CDH13: variants seen among roughly 807,000 people sequenced by gnomAD.
CDH13 encodes cadherin-13.
A neutral mutation model predicts 63.8 loss-of-function variants in CDH13; 24 were observed. The observed-to-expected ratio is 0.38, with a 90% CI of 0.27 to 0.53. The LOEUF is 0.53. Among genes scored for constraint, CDH13 ranks in the 20% least tolerant of loss-of-function variants. The pLI is 0.85. For synonymous variants in CDH13, 503 were observed against 355.3 expected, an observed-to-expected ratio of 1.42 and a Z score of -4.67; for missense variants, 1,049 against 903.1, an observed-to-expected ratio of 1.16 and a Z score of -2.07.
chr16:83,207,032 A>G (rs908878430), intron 4 of CDH13, among the ~76,000 whole-genome samples: 4 of 152,244 alleles, frequency 2.6e-5, no homozygotes, highest in African/African-American at 9.6e-5. Context: ...GAGGATCTGA[A>G]TAGTTTAATC....
chr16:83,520,992 T>A (rs1362818451), intron 7 of CDH13, among the ~76,000 whole-genome samples: 1 of 152,194 alleles, frequency 6.6e-6, no homozygotes, highest in African/African-American at 2.4e-5. Context: ...AACTTCAATT[T>A]TTTAAATTTC....
intron 10 of CDH13, among the ~76,000 whole-genome samples, chr16:83,697,422 G>A (rs1424002844): frequency 6.6e-6 from 1 of 152,224 alleles, no homozygotes; most frequent in Non-Finnish European, 1.5e-5. Context: ...GCGTCTCTGG[G>A]CACAGAAGGC....
chr16:83,005,382 T>G (rs2151428457), intron 2 of CDH13, among the ~76,000 whole-genome samples: 1 of 152,228 alleles, frequency 6.6e-6, no homozygotes, highest in East Asian at 1.9e-4. Context: ...GTTCCTTACC[T>G]CCTGTAACCT....
chr16:83,701,386 A>G (rs1233674620), intron 10 of CDH13, among the ~76,000 whole-genome samples: 1 of 152,082 alleles, frequency 6.6e-6, no homozygotes. Flanking sequence ...TTCCTTCATC[A>G]TTTCATTCGG....
intron 8 of CDH13, 35 bp downstream of exon 8, chr16:83,602,629 G>T (rs1228359051): frequency 6.2e-7 from 1 of 1,611,194 alleles, no homozygotes; most frequent in Admixed American, 1.7e-5. Flanking sequence ...CCACCACTGT[G>T]GTCACAGCTA....
intron 4 of CDH13, among the ~76,000 whole-genome samples, chr16:83,134,235 C>T (rs942213864): frequency 2.6e-5 from 4 of 152,128 alleles, no homozygotes; most frequent in Non-Finnish European, 4.4e-5. Flanking sequence ...CTCTGTCGCC[C>T]GGGCTGGAGT....
chr16:82,719,967 A>T (rs2032659043), intron 1 of CDH13, among the ~76,000 whole-genome samples: 1 of 151,972 alleles, frequency 6.6e-6, no homozygotes, highest in Non-Finnish European at 1.5e-5. Flanking sequence ...ATTTTACTGT[A>T]TGCTAAATGG....
intron 1 of CDH13, among the ~76,000 whole-genome samples, chr16:82,848,138 A>T (rs2039340981): frequency 6.6e-6 from 1 of 152,224 alleles, no homozygotes; most frequent in African/African-American, 2.4e-5. Context: ...GAGAAAGTTC[A>T]TTGACACTAG....
chr16:83,745,557 T>G (rs1912498592), intron 10 of CDH13, among the ~76,000 whole-genome samples: 1 of 152,196 alleles, frequency 6.6e-6, no homozygotes, highest in East Asian at 1.9e-4. Context: ...CTGTCTGTCC[T>G]GGGTCGCCAT....
chr16:82,770,839 C>T (rs537316679), intron 1 of CDH13, among the ~76,000 whole-genome samples: 1 of 152,240 alleles, frequency 6.6e-6, no homozygotes, highest in South Asian at 2.1e-4. Flanking sequence ...TCCCGAGTAG[C>T]TGGGACTAAA....
At chr16:83,104,729 T>G (rs976940555) in intron 3 of CDH13, among the ~76,000 whole-genome samples, 1 of 152,116 alleles carries the variant, frequency 6.6e-6, no homozygotes, top group African/African-American at 2.4e-5. Flanking sequence ...AAGAATTGGT[T>G]GAACAAAGGG....
intron 5 of CDH13, among the ~76,000 whole-genome samples, chr16:83,255,734 A>G (rs1272972824): frequency 6.6e-6 from 1 of 152,188 alleles, no homozygotes; most frequent in South Asian, 2.1e-4. Flanking sequence ...AAGTGGCACT[A>G]TGCTGTGGAT....
At chr16:82,736,344 A>G (rs1458947597) in intron 1 of CDH13, among the ~76,000 whole-genome samples, 1 of 152,184 alleles carries the variant, frequency 6.6e-6, no homozygotes, top group Non-Finnish European at 1.5e-5. Context: ...TTAAGGGAAG[A>G]AAAAAACAGA....
chr16:83,746,633 A>G (rs1912610775), intron 10 of CDH13, among the ~76,000 whole-genome samples: 1 of 152,138 alleles, frequency 6.6e-6, no homozygotes, highest in Non-Finnish European at 1.5e-5. Context: ...AAATCTGGCC[A>G]TACAAGGCAG....
chr16:83,374,721 G>A (rs190648337), intron 6 of CDH13, among the ~76,000 whole-genome samples: 117 of 152,292 alleles, frequency 7.7e-4, no homozygotes, highest in African/African-American at 2.4e-3. Flanking sequence ...GACTATCTCT[G>A]GATGTTTTCC....
intron 4 of CDH13, among the ~76,000 whole-genome samples, chr16:83,193,431 G>A (rs2038785491): frequency 1.3e-5 from 2 of 152,186 alleles, no homozygotes; most frequent in Admixed American, 1.3e-4. Context: ...CTCCTGGGGA[G>A]AAGACACACA....
At chr16:82,874,701 A>T (rs2040449894) in intron 2 of CDH13, among the ~76,000 whole-genome samples, 1 of 152,180 alleles carries the variant, frequency 6.6e-6, no homozygotes. Context: ...GTGCTTGAAA[A>T]ACAGTTCAAA....
chr16:83,271,713 A>G (rs1051685797), intron 5 of CDH13, among the ~76,000 whole-genome samples: 2 of 152,128 alleles, frequency 1.3e-5, no homozygotes, highest in Non-Finnish European at 2.9e-5. Context: ...CCTTTCTTTT[A>G]TCTTTCTTTG....
chr16:83,486,419 T>A, intron 6 of CDH13, 58 bp from the exon 7 acceptor site: 1 of 1,500,054 alleles, frequency 6.7e-7, no homozygotes, highest in Non-Finnish European at 9.1e-7. Flanking sequence ...GGGAAGGGGC[T>A]CTGGCCGTTG....
Sources: gnomAD v4.1 joint callset for allele counts (sites outside exome capture counted in the v4.1 genomes callset) on GRCh38, gnomAD v4.1.1 for gene constraint, MANE v1.5 for transcripts, NCBI Gene and HGNC (gene_info 2026-07-23, HGNC 2026-07-21) for gene names.